The following USP36 variants were observed in gnomAD, a reference collection of about 807,000 sequenced individuals.
USP36 encodes ubiquitin specific peptidase 36, also known as ubiquitin carboxyl-terminal hydrolase 36.
Under a neutral mutation model 111.5 loss-of-function variants are expected in USP36, and 59 were observed. That is an observed-to-expected ratio of 0.53 (90% CI 0.43 to 0.66). The LOEUF is 0.66. Among genes scored for constraint, USP36 ranks in the 30% least tolerant of loss-of-function variants. The pLI is 0.00. For synonymous variants in USP36, 628 were observed against 581.0 expected (o/e 1.08, Z -1.16); for missense variants, 1,488 against 1,468.0 (o/e 1.01, Z -0.22).
Position 78,788,561 on chromosome 17 carries a change from C to G in USP36, c.*21-903G>C, listed in dbSNP as rs78427445. On this transcript the variant is annotated intron_variant, in intron 3 of 3. Coordinates refer to the USP36 transcript ENST00000588130. ...GGGGGTGCCCAGCTTCCAGAAGGTG[C>G]AAGCTGGAGGGTCTCAGAAGAAAGG... is the stretch of plus-strand genomic sequence containing the variant. Among the ~76,000 whole-genome samples the G allele has an allele frequency of 2.2e-4, 34 of 151,664 alleles. No homozygotes were observed. In the East Asian group the frequency reaches 6.6e-3, roughly 29 times the overall value.
chr17:78,788,928 G>A (rs1359069994), intron 3 of USP36, among the ~76,000 whole-genome samples: 1 of 152,010 alleles, frequency 6.6e-6, no homozygotes, highest in African/African-American at 2.4e-5. Context: ...GGCCAGGTGC[G>A]GTGACTCACG....
intron 5 of USP36, among the ~76,000 whole-genome samples, chr17:78,828,100 C>T (rs767910205): frequency 1.3e-5 from 2 of 152,026 alleles, no homozygotes; most frequent in African/African-American, 4.8e-5. Context: ...CGCCTGTAAT[C>T]CCAGCTACTC....
Position 78,807,579 on chromosome 17 carries a change from T to C in USP36, c.1465A>G (p.Ile489Val), listed in dbSNP as rs1166516334. The change falls in exon 14 of 21, where the codon ATA becomes GTA. Residue 489 changes from isoleucine (I) to valine (V), a missense_variant. Ile to Val is a conservative substitution (Grantham distance 29). Coordinates refer to ENST00000449938, the MANE Select transcript of USP36 (RefSeq NM_001385174.1). ...CCCAGGGTGGAGCCATTCCTGGATATGGGCACACCAATCTCTTCAGTGGTG... is the reference window on the plus strand; with the variant it reads ...CCCAGGGTGGAGCCATTCCTGGATACGGGCACACCAATCTCTTCAGTGGTG... The part of the protein sequence containing the change: ...PHTTEEIGVP[I>V]SRNGSTLGLK... 1.3e-6 allele frequency: 2 copies of C among 1,597,832 alleles called. No homozygotes were observed. The highest frequency in any genetic ancestry group is 1.1e-5 in the South Asian group (1 of 88,542).
At position 78,798,232 on chromosome 17, in the gene USP36, GAC is replaced by G. The variant is rs1214618179; in HGVS notation, c.*20+166_*20+167del. 1 of 822,844 alleles carries G rather than the reference GAC, an allele frequency of 1.2e-6. No individual in the cohort carries two copies. The highest frequency in any genetic ancestry group is 1.8e-6 in the Non-Finnish European group (1 of 541,108). 51.0% of individuals were successfully genotyped at this position (822,844 alleles called of 1,614,324 possible). On this transcript the variant is annotated intron_variant, in intron 20 of 20. Transcript: ENST00000449938. This position sits in a 1 kb window ranked among gnomAD's most constrained non-coding sequence, Gnocchi z 5.1. The stretch of plus-strand genomic sequence containing the variant: ...CACACACCCTTCTCCAAGTGACTAG[GAC>G]ACACACCACAGACGCGCCCACACCA...
chr17:78,821,717 C>T (rs980434872), intron 7 of USP36, among the ~76,000 whole-genome samples: 3 of 151,964 alleles, frequency 2.0e-5, no homozygotes, highest in African/African-American at 7.2e-5. Context: ...GGATTACAGG[C>T]GTGAGCCACC....
At chr17:78,835,598 C>T in intron 3 of USP36, 97 bp from the exon 4 acceptor site, 1 of 1,177,370 alleles carries the variant, frequency 8.5e-7, no homozygotes, top group East Asian at 2.6e-5. Flanking sequence ...ACTTAGCATG[C>T]AGTGACTCGG....
chr17:78,815,735 TA>T (rs2094162387), intron 10 of USP36, among the ~76,000 whole-genome samples: 1 of 152,084 alleles, frequency 6.6e-6, no homozygotes, highest in Non-Finnish European at 1.5e-5. Context: ...CACATATACA[TA>T]ACATGCATAC....
Position 78,798,485 on chromosome 17 carries a change from T to C in USP36, c.3307A>G (p.Thr1103Ala), listed in dbSNP as rs2093667159. The C allele has an allele frequency of 6.2e-7, 1 of 1,613,960 alleles. No homozygotes were observed. The highest frequency in any genetic ancestry group is 8.5e-7 in the Non-Finnish European group (1 of 1,180,032). ...RNFNAFQKLQ[T>A]RRNFWSVTHP... is the part of the protein sequence containing the mutation. Reference sequence around the variant, plus strand: ...GTCACAGACCAGAAGTTCCGTCGAGTCTGAAGTTTCTGGAAGGCGTTGAAG... The same window carrying C: ...GTCACAGACCAGAAGTTCCGTCGAGCCTGAAGTTTCTGGAAGGCGTTGAAG... The change falls in exon 20 of 21, where the codon ACT becomes GCT. Residue 1103 changes from threonine (T) to alanine (A), a missense_variant. Physicochemically the swap from Thr to Ala is moderately conservative, Grantham distance 58. This residue lies in a region of USP36 where 1,073 missense variants were observed against 994.1 expected (regional missense o/e 1.08). Coordinates refer to ENST00000449938, the MANE Select transcript of USP36 (RefSeq NM_001385174.1). This position sits in a 1 kb window ranked among gnomAD's most constrained non-coding sequence, Gnocchi z 5.1.
rs1376146520 is a variant in USP36 at position 78,803,724 on chromosome 17, C to A, written c.2471G>T (p.Gly824Val). ...GTGCTGTGGGAGGCGCGTCTCTGAGCCCAGCCTCTGCGGCTCTCCCACAAA... is the reference window on the plus strand; with the variant it reads ...GTGCTGTGGGAGGCGCGTCTCTGAGACCAGCCTCTGCGGCTCTCCCACAAA... ...KTFVGEPQRL[G>V]SETRLPQHIR... is the part of the protein sequence containing the mutation. Residue 824 changes from glycine to valine, a missense_variant, in exon 16 of 21, where the codon GGC becomes GTC. By Grantham distance (109) the Gly-to-Val change is moderately radical. Transcript: ENST00000449938. The surrounding 1 kb of genome is among the most constrained non-coding windows in gnomAD (Gnocchi z 4.6). 2 of 1,612,088 alleles carry A rather than the reference C, an allele frequency of 1.2e-6. No individual in the cohort carries two copies. Among genetic ancestry groups the A allele is most frequent in the Non-Finnish European group, 1.7e-6 (2 of 1,179,922 alleles).
At chr17:78,817,243 A>G (rs2094210356) in intron 10 of USP36, among the ~76,000 whole-genome samples, 1 of 152,212 alleles carries the variant, frequency 6.6e-6, no homozygotes, top group Admixed American at 6.5e-5. Context: ...TATGATGTTC[A>G]CACAGTGACA....
intron 7 of USP36, among the ~76,000 whole-genome samples, 160 bp downstream of exon 7, chr17:78,821,777 G>A (rs551287180): frequency 1.4e-4 from 22 of 152,010 alleles, no homozygotes; most frequent in Non-Finnish European, 2.5e-4. Context: ...GTGGCCAGGC[G>A]GGCCAAGAGT....
Position 78,804,279 on chromosome 17 carries a change from T to G in USP36, c.2217-301A>C, listed in dbSNP as rs1206061019. 2.0e-5 allele frequency among the ~76,000 whole-genome samples: 3 copies of G among 151,986 alleles called. No individual in the cohort carries two copies. In the East Asian group the frequency reaches 5.8e-4, roughly 29 times the overall value. ...AAGTTTGAGACCAGCCTAGCCAACA[T>G]GGTGAAACCCCATCTCTACTAAAAA... is the stretch of plus-strand genomic sequence containing the variant. On this transcript the variant is annotated intron_variant, in intron 15 of 20. Coordinates refer to ENST00000449938, the MANE Select transcript of USP36 (RefSeq NM_001385174.1).
intron 15 of USP36, among the ~76,000 whole-genome samples, chr17:78,805,894 C>T (rs757916919): frequency 2.6e-5 from 4 of 152,196 alleles, no homozygotes; most frequent in South Asian, 2.1e-4. Flanking sequence ...ACAAGGATGT[C>T]GCAGACAGAC....
At chr17:78,827,091 C>T in intron 6 of USP36, 154 bp downstream of exon 6, 4 of 816,738 alleles carry the variant, frequency 4.9e-6, no homozygotes, top group South Asian at 1.4e-5. Context: ...TGGGCTCCAA[C>T]AGTTTGAGTA....
rs537129179 is a variant in USP36, at chr17:78,803,779, G to C, written c.2416C>G (p.Gln806Glu). The C allele has an allele frequency of 4.4e-6, 7 of 1,607,180 alleles. No individual in the cohort carries two copies. Among genetic ancestry groups the C allele is most frequent in the African/African-American group, 4.0e-5 (3 of 74,808 alleles). The stretch of plus-strand genomic sequence containing the variant: ...TTTTTCCTCTTCTCAGAGGGGCTCT[G>C]GGGGGGCTCACTGGCCTCTGGCAAC... ...HQLPEASEPPQSPSEKRKKTF... is the reference protein window; with the variant it reads ...HQLPEASEPPESPSEKRKKTF... Residue 806 changes from glutamine to glutamate, a missense_variant, in exon 16 of 21, where the codon CAG becomes GAG. Transcript: ENST00000449938. This position sits in a 1 kb window ranked among gnomAD's most constrained non-coding sequence, Gnocchi z 4.6.
chr17:78,821,421 T>TATATATATATATA (rs1491310696), intron 7 of USP36: 11 of 26,966 alleles, frequency 4.1e-4, no homozygotes, highest in South Asian at 4.2e-3. Context: ...TATATATATA[T>TATATATATATATA]TTTTTTTTTT....
At position 78,802,482 on chromosome 17, in the gene USP36, T is replaced by C. The variant is rs752801618; in HGVS notation, c.2864A>G (p.Lys955Arg). ...DPEAMEESPR[K>R]KKKKKRKQET... Reference sequence around the variant, plus strand: ...CTGCTTTCTTTTTTTCTTTTTCTTTTTCCTTGGAGACTCTTCCATGGCCTC... The same window carrying C: ...CTGCTTTCTTTTTTTCTTTTTCTTTCTCCTTGGAGACTCTTCCATGGCCTC... Residue 955 changes from lysine (K) to arginine (R), a missense_variant, in exon 17 of 21, where the codon AAA (lysine) becomes AGA (arginine). By Grantham distance (26) the Lys-to-Arg change is conservative. This residue lies in a region of USP36 where 1,073 missense variants were observed against 994.1 expected (regional missense o/e 1.08). Transcript: ENST00000449938. 2.0e-6 allele frequency: 3 copies of C among 1,505,014 alleles called. No individual in the cohort carries two copies. The African/African-American group carries it at 4.0e-5, about 20-fold the overall frequency. 93.2% of individuals were successfully genotyped at this position (1,505,014 alleles called of 1,614,324 possible). A position where few individuals can be genotyped will look rare whatever the true frequency, so the allele number is the denominator to read the frequency against.
intron 4 of USP36, among the ~76,000 whole-genome samples, chr17:78,833,285 T>A (rs940856984): frequency 6.6e-6 from 1 of 152,188 alleles, no homozygotes; most frequent in African/African-American, 2.4e-5. Context: ...TGTGTTCTTT[T>A]TTTTATGTTT....
chr17:78,800,175 G>A (rs1161114991), intron 17 of USP36, among the ~76,000 whole-genome samples: 1 of 151,156 alleles, frequency 6.6e-6, no homozygotes, highest in Non-Finnish European at 1.5e-5. Flanking sequence ...AACCAGTAGT[G>A]TTAAGTCCTC....
Sources: gnomAD v4.1 joint callset for allele counts (sites outside exome capture counted in the v4.1 genomes callset) on GRCh38, gnomAD v4.1.1 for gene constraint, gnomAD v4.1.1 regional missense constraint, Gnocchi (gnomAD v3.1) non-coding constraint, MANE v1.5 for transcripts, NCBI Gene and HGNC (gene_info 2026-07-23, HGNC 2026-07-21) for gene names.